The following PRKCE variants were observed in gnomAD, a reference collection of about 807,000 sequenced individuals.
PRKCE encodes the protein protein kinase C epsilon type.
In PRKCE, 16 loss-of-function variants were observed where a neutral mutation model predicts 85.4. That is an observed-to-expected ratio of 0.19 (90% CI 0.13 to 0.28). The LOEUF is 0.28. Among genes scored for constraint, PRKCE ranks in the 10% least tolerant of loss-of-function variants. The probability of loss-of-function intolerance (pLI) is 1.00; values close to 1 mark genes in which losing one functional copy is unlikely to be tolerated. For missense variants in PRKCE, 573 were observed against 975.2 expected (o/e 0.59, Z 5.49); for synonymous variants, 388 against 371.5 (o/e 1.04, Z -0.51).
In PRKCE at chr2:45,819,894, T is replaced by A. The variant is rs567021225; in HGVS notation, c.349-23106T>A. On this transcript the variant is annotated intron_variant, in intron 1 of 14. Coordinates refer to ENST00000306156, the MANE Select transcript of PRKCE (RefSeq NM_005400.3). ...GCAACAATACAGGGAAACAATCGCA[T>A]CAAGCTGGTTTGGGGCTGTGTCATT... Among the ~76,000 whole-genome samples, 4 of 152,304 alleles carry A rather than the reference T, an allele frequency of 2.6e-5. No homozygotes were observed. The East Asian group carries it at 7.7e-4, about 29-fold the overall frequency.
At chr2:45,758,748 C>A (rs892101435) in intron 1 of PRKCE, among the ~76,000 whole-genome samples, 4 of 152,166 alleles carry the variant, frequency 2.6e-5, no homozygotes, top group African/African-American at 9.7e-5. Context: ...ACAGTTATGT[C>A]CCCTGAGCCT....
At chr2:46,029,296 C>T (rs557255440) in intron 10 of PRKCE, among the ~76,000 whole-genome samples, 40 of 152,312 alleles carry the variant, frequency 2.6e-4, no homozygotes, top group African/African-American at 8.4e-4. Flanking sequence ...AGTTTCTGTT[C>T]CATTGTCCTA....
chr2:46,089,326 C>T (rs1200124487), intron 11 of PRKCE, among the ~76,000 whole-genome samples: 3 of 152,184 alleles, frequency 2.0e-5, no homozygotes, highest in Admixed American at 6.5e-5. Context: ...GAGCCCCACA[C>T]AAGATCTCTT....
At chr2:45,685,495 A>C (rs1383796903) in intron 1 of PRKCE, 1 of 152,150 alleles carries the variant, frequency 6.6e-6, no homozygotes, top group Non-Finnish European at 1.5e-5. Context: ...GTGTCAGGGA[A>C]GTTAACAAAA....
At position 45,884,974 on chromosome 2, in the gene PRKCE, TA is replaced by T. The variant is rs1558792861; in HGVS notation, c.412+41912del. ...TGATCCATATATATATATATATATA[TA>T]TATATATATATATATATATATATAT... On this transcript the variant is annotated intron_variant, in intron 2 of 14. Coordinates refer to ENST00000306156, the MANE Select transcript of PRKCE (RefSeq NM_005400.3). 7.0e-3 allele frequency among the ~76,000 whole-genome samples: 441 copies of T among 63,172 alleles called. 20 individuals carry two copies. Among genetic ancestry groups the T allele is most frequent in the East Asian group, 0.045 (9 of 202 alleles). 41.4% of individuals were successfully genotyped at this position (63,172 alleles called of 152,430 possible).
chr2:45,929,349 G>A (rs1247690161), intron 2 of PRKCE, among the ~76,000 whole-genome samples: 2 of 152,186 alleles, frequency 1.3e-5, no homozygotes, highest in African/African-American at 4.8e-5. Context: ...CGTTCCTCCC[G>A]GCGGAAGATG....
chr2:45,917,267 T>A (rs928162562), intron 2 of PRKCE, among the ~76,000 whole-genome samples: 3 of 151,854 alleles, frequency 2.0e-5, no homozygotes, highest in Admixed American at 6.6e-5. Flanking sequence ...GCCGCCAGAG[T>A]AGCTAGATAC....
At chr2:45,979,768 C>G (rs902275834) in intron 4 of PRKCE, among the ~76,000 whole-genome samples, 1 of 152,146 alleles carries the variant, frequency 6.6e-6, no homozygotes, top group Non-Finnish European at 1.5e-5. Context: ...CTCCATGACA[C>G]TAACAACACA....
At chr2:46,118,962 A>G (rs1410634832) in intron 11 of PRKCE, among the ~76,000 whole-genome samples, 1 of 152,178 alleles carries the variant, frequency 6.6e-6, no homozygotes, top group Non-Finnish European at 1.5e-5. Flanking sequence ...GATGCTGGAG[A>G]CTAAATGGGT....
intron 14 of PRKCE, among the ~76,000 whole-genome samples, chr2:46,174,969 G>GCCTGTAATCC (rs1239888604): frequency 4.6e-5 from 7 of 151,986 alleles, no homozygotes; most frequent in African/African-American, 1.7e-4. Context: ...GGGATTACAG[G>GCCTGTAATCC]CATGAACCAC....
chr2:45,902,272 C>T lies in PRKCE; in HGVS notation c.412+59209C>T, dbSNP rs1054572243. ...GCTCTCTTAGAAAACATCCATTGTT[C>T]CTGAAACCTGCAGTAATTGGAACAT... On this transcript the variant is annotated intron_variant, in intron 2 of 14. Coordinates refer to ENST00000306156, the MANE Select transcript of PRKCE (RefSeq NM_005400.3). Among the ~76,000 whole-genome samples, 9 of 152,238 alleles carry T rather than the reference C, an allele frequency of 5.9e-5. No individual in the cohort carries two copies. In the South Asian group the frequency reaches 1.5e-3, roughly 25 times the overall value.
chr2:45,827,969 C>T (rs2345181), intron 1 of PRKCE, among the ~76,000 whole-genome samples: 95,375 of 152,054 alleles, frequency 0.63, 31,102 homozygotes, highest in African/African-American at 0.81. Flanking sequence ...TTATAAAGAA[C>T]TCGAGACAAA....
chr2:46,091,246 T>C (rs895759), intron 11 of PRKCE, among the ~76,000 whole-genome samples: 115,484 of 152,006 alleles, frequency 0.76, 44,595 homozygotes, highest in East Asian at 0.89. Context: ...TTTAACCACC[T>C]GCCCTCCCCA....
At chr2:46,172,345 C>G (rs933278516) in intron 14 of PRKCE, among the ~76,000 whole-genome samples, 1 of 152,244 alleles carries the variant, frequency 6.6e-6, no homozygotes, top group Non-Finnish European at 1.5e-5. Flanking sequence ...CCAGTGTGCA[C>G]TGGATGGACA....
At chr2:45,903,948 G>A (rs1696781543) in intron 2 of PRKCE, among the ~76,000 whole-genome samples, 1 of 148,154 alleles carries the variant, frequency 6.7e-6, no homozygotes, top group Non-Finnish European at 1.5e-5. Context: ...CTGTTGCCCA[G>A]GCTGGAGTGC....
chr2:46,101,513 A>C (rs1671219187), intron 11 of PRKCE, among the ~76,000 whole-genome samples: 1 of 152,208 alleles, frequency 6.6e-6, no homozygotes. Context: ...GTGGCTCTAC[A>C]GAATTTGTAT....
At chr2:45,691,915 C>G (rs920336969) in intron 1 of PRKCE, among the ~76,000 whole-genome samples, 1 of 152,294 alleles carries the variant, frequency 6.6e-6, no homozygotes, top group Admixed American at 6.5e-5. Flanking sequence ...CCATCTTTGT[C>G]CTTCTCTGGA....
At chr2:46,051,643 C>G (rs548812655) in intron 10 of PRKCE, among the ~76,000 whole-genome samples, 7 of 152,288 alleles carry the variant, frequency 4.6e-5, no homozygotes, top group African/African-American at 1.7e-4. Context: ...GGCTTTTCCA[C>G]TTACAGGTAT....
At position 45,830,293 on chromosome 2, in the gene PRKCE, C is replaced by T. The variant is rs965565903; in HGVS notation, c.349-12707C>T. Reference sequence around the variant, plus strand: ...TGCTGCATTCATAAACAAAAACAAACGAGAGAGAGAGAGAGAGAGAGAGAA... The same window carrying T: ...TGCTGCATTCATAAACAAAAACAAATGAGAGAGAGAGAGAGAGAGAGAGAA... On this transcript the variant is annotated intron_variant, in intron 1 of 14. Coordinates refer to ENST00000306156, the MANE Select transcript of PRKCE (RefSeq NM_005400.3). Among the ~76,000 whole-genome samples, 30 of 146,316 alleles carry T rather than the reference C, an allele frequency of 2.1e-4. 1 individual carries two copies. The South Asian group carries it at 6.4e-3, about 31-fold the overall frequency.
Sources: gnomAD v4.1 joint callset for allele counts (sites outside exome capture counted in the v4.1 genomes callset) on GRCh38, gnomAD v4.1.1 for gene constraint, MANE v1.5 for transcripts, NCBI Gene and HGNC (gene_info 2026-07-23, HGNC 2026-07-21) for gene names.